The following ITM2C variants were observed in gnomAD, a reference collection of about 807,000 sequenced individuals.
The protein encoded by ITM2C is integral membrane protein 2C.
Under a neutral mutation model 30.0 loss-of-function variants are expected in ITM2C, and 20 were observed. The ratio of observed to expected loss-of-function variants is 0.67; its 90% CI spans 0.47 to 0.97. The LOEUF (loss-of-function observed/expected upper bound fraction) is 0.97. ITM2C is among the 50% of genes least tolerant of loss of function. The probability of loss-of-function intolerance (pLI) is 0.00; values close to 1 mark genes in which losing one functional copy is unlikely to be tolerated. For synonymous variants in ITM2C, 167 were observed against 156.4 expected, an observed-to-expected ratio of 1.07 and a Z score of -0.51; for missense variants, 366 against 371.9, an observed-to-expected ratio of 0.98 and a Z score of 0.13.
rs373865902 is a variant in ITM2C at position 230,878,020 on chromosome 2, G to T, written c.725G>T (p.Arg242Leu). 1.9e-6 allele frequency: 3 copies of T among 1,612,550 alleles called. No homozygotes were observed. Among genetic ancestry groups the T allele is most frequent in the Admixed American group, 1.7e-5 (1 of 59,840 alleles). The stretch of plus-strand genomic sequence containing the variant: ...TTTTTCCTCCCAGGGATCAACAAGC[G>T]TGGGGCCAAGAACTGCAATGCCATC... ...RRATRRRINK[R>L]GAKNCNAIRH... The change falls in exon 6 of 6, where the codon CGT (arginine) becomes CTT (leucine). Residue 242 changes from arginine to leucine, a missense_variant. Coordinates refer to ENST00000326427, the MANE Select transcript of ITM2C (RefSeq NM_030926.6). This position sits in a 1 kb window ranked among gnomAD's most constrained non-coding sequence, Gnocchi z 4.5.
intron 1 of ITM2C, among the ~76,000 whole-genome samples, chr2:230,872,412 G>A (rs903122106): frequency 3.9e-5 from 6 of 152,148 alleles, no homozygotes; most frequent in African/African-American, 1.2e-4. Context: ...GCTGGCTCTC[G>A]TCAGTGCTCT....
At chr2:230,876,288 G>T (rs955419834) in intron 3 of ITM2C, among the ~76,000 whole-genome samples, 4 of 152,206 alleles carry the variant, frequency 2.6e-5, no homozygotes, top group African/African-American at 9.6e-5. Flanking sequence ...AACATGAGAA[G>T]AAGCTTTATA....
Position 230,877,498 on chromosome 2 carries a change from C to T in ITM2C, c.660C>T (p.His220=). 6.2e-7 allele frequency: 1 copy of T among 1,614,064 alleles called. No individual in the cohort carries two copies. Among genetic ancestry groups the T allele is most frequent in the Non-Finnish European group, 8.5e-7 (1 of 1,180,010 alleles). Residue 220 remains histidine, a synonymous_variant, in exon 5 of 6, where the codon CAC becomes CAT. Transcript: ENST00000326427. The surrounding 1 kb of genome is among the most constrained non-coding windows in gnomAD (Gnocchi z 4.8). ...AGGCCCTGGGGTCCTTCATCTACCACCTGTGCAACGGGAAAGACACCTACC... is the reference window on the plus strand; with the variant it reads ...AGGCCCTGGGGTCCTTCATCTACCATCTGTGCAACGGGAAAGACACCTACC... ...DKEALGSFIY[H]LCNGKDTYRL...
At position 230,875,807 on chromosome 2, in the gene ITM2C, G is replaced by T. The variant is rs199648200; in HGVS notation, c.449G>T (p.Arg150Leu). 1.6e-6 allele frequency: 2 copies of T among 1,258,454 alleles called. No homozygotes were observed. The highest frequency in any genetic ancestry group is 1.3e-5 in the South Asian group (1 of 78,606). 78.0% of individuals were successfully genotyped at this position (1,258,454 alleles called of 1,614,324 possible). ...GCAGACATCATCCATGACTTCCAGCGGGTGAGGCTGGCCAGGGCCTGGGGG... is the reference window on the plus strand; with the variant it reads ...GCAGACATCATCCATGACTTCCAGCTGGTGAGGCTGGCCAGGGCCTGGGGG... ...DPADIIHDFQ[R>L]GLTAYHDISL... Residue 150 changes from arginine (R) to leucine (L), a missense_variant and splice_region_variant, in exon 3 of 6, where the codon CGG (arginine) becomes CTG (leucine). By Grantham distance (102) the Arg-to-Leu change is moderately radical. Transcript: ENST00000326427.
At position 230,867,598 on chromosome 2, in the gene ITM2C, A is replaced by C. The variant is rs574014120; in HGVS notation, c.120+2453A>C. On this transcript the variant is annotated intron_variant, in intron 1 of 5. Transcript: ENST00000326427. ...TTCTTCTGGCTGGCAGTGACCCCAG[A>C]ACCCTCCTTGGTGTCTGAACTGGAC... Among the ~76,000 whole-genome samples the C allele has an allele frequency of 2.0e-5, 3 of 152,272 alleles. No homozygotes were observed. The East Asian group carries it at 5.8e-4, about 29-fold the overall frequency.
At chr2:230,868,503 G>A (rs1382119999) in intron 1 of ITM2C, among the ~76,000 whole-genome samples, 4 of 151,178 alleles carry the variant, frequency 2.6e-5, no homozygotes, top group Admixed American at 1.3e-4. Flanking sequence ...ACACATGCAC[G>A]CACAGATGTG....
intron 1 of ITM2C, among the ~76,000 whole-genome samples, chr2:230,870,413 G>A (rs1351058922): frequency 6.6e-6 from 1 of 152,258 alleles, no homozygotes; most frequent in African/African-American, 2.4e-5. Context: ...TGGTGCCTCT[G>A]AGGGTTTGGC....
chr2:230,875,860 T>A, intron 3 of ITM2C, 52 bp downstream of exon 3: 1 of 1,190,510 alleles, frequency 8.4e-7, no homozygotes, highest in Non-Finnish European at 1.2e-6. Context: ...TCCCGGGGAC[T>A]CAGGGCAAGG....
rs1230537788 is a variant in ITM2C at position 230,877,983 on chromosome 2, C to G, written c.713-25C>G. Reference sequence around the variant, plus strand: ...TGACTCAGCCAGGATGCAGGGCTCACTGGGGTTTTTCTTTTTCCTCCCAGG... The same window carrying G: ...TGACTCAGCCAGGATGCAGGGCTCAGTGGGGTTTTTCTTTTTCCTCCCAGG... On this transcript the variant is annotated intron_variant, in intron 5 of 5. Transcript: ENST00000326427. The surrounding 1 kb of genome is among the most constrained non-coding windows in gnomAD (Gnocchi z 4.8). The G allele has an allele frequency of 6.3e-6, 10 of 1,598,142 alleles. No individual in the cohort carries two copies. The highest frequency in any genetic ancestry group is 8.6e-6 in the Non-Finnish European group (10 of 1,165,934).
chr2:230,866,926 G>A (rs1424568423), intron 1 of ITM2C, among the ~76,000 whole-genome samples: 4 of 152,198 alleles, frequency 2.6e-5, no homozygotes, highest in Admixed American at 6.5e-5. Context: ...GATGGCATGG[G>A]TTTGGGCAGT....
intron 1 of ITM2C, among the ~76,000 whole-genome samples, chr2:230,866,446 C>T (rs1697031037): frequency 6.6e-6 from 1 of 151,964 alleles, no homozygotes; most frequent in African/African-American, 2.4e-5. Flanking sequence ...GGGTGTCAGC[C>T]TGGGCAGAGA....
At position 230,875,690 on chromosome 2, in the gene ITM2C, A is replaced by C. The variant is rs778677627; in HGVS notation, c.332A>C (p.Gln111Pro). Residue 111 changes from glutamine (Q) to proline (P), a missense_variant, in exon 3 of 6, where the codon CAG (glutamine) becomes CCG (proline). Transcript: ENST00000326427. ...EDSLSSQVRT[Q>P]MELEEDVKIY... is the part of the protein sequence containing the mutation. ...TCCCTGTCCTCCCAGGTCCGGACTC[A>C]GATGGAGCTGGAAGAGGATGTGAAA... 1 of 1,613,560 alleles carries C rather than the reference A, an allele frequency of 6.2e-7. No homozygotes were observed. The highest frequency in any genetic ancestry group is 8.5e-7 in the Non-Finnish European group (1 of 1,179,606).
At chr2:230,872,526 A>G (rs1437666639) in intron 1 of ITM2C, among the ~76,000 whole-genome samples, 1 of 152,214 alleles carries the variant, frequency 6.6e-6, no homozygotes, top group Non-Finnish European at 1.5e-5. Flanking sequence ...GCAGCCCTGC[A>G]GCTATGATCT....
chr2:230,875,943 C>T (rs1363900258), intron 3 of ITM2C, 135 bp downstream of exon 3: 3 of 692,674 alleles, frequency 4.3e-6, no homozygotes, highest in East Asian at 2.7e-5. Flanking sequence ...GTCTTCAAGA[C>T]ACTGCTTTTC....
rs980346757 is a variant in ITM2C, at chr2:230,879,091, C to G, written c.*992C>G. The stretch of plus-strand genomic sequence containing the variant: ...CTTTTGCATGTTTTTACTGATCATT[C>G]GATATGCTAACCGTTCTCAGCCCTG... On this transcript the variant is annotated 3_prime_UTR_variant, in exon 6 of 6. Coordinates refer to ENST00000326427, the MANE Select transcript of ITM2C (RefSeq NM_030926.6). The G allele has an allele frequency of 3.3e-5, 5 of 152,582 alleles. No homozygotes were observed. The highest frequency in any genetic ancestry group is 1.2e-4 in the African/African-American group (5 of 41,400). The allele number at this position is 152,582 out of a possible 1,614,324, so 9.5% of individuals were successfully genotyped here. A position where few individuals can be genotyped will look rare whatever the true frequency, so the allele number is the denominator to read the frequency against.
At position 230,875,553 on chromosome 2, in the gene ITM2C, G is replaced by A. The variant is rs1357694221; in HGVS notation, c.262-67G>A. On this transcript the variant is annotated intron_variant, in intron 2 of 5. Transcript: ENST00000326427. Reference sequence around the variant, plus strand: ...CATGTAGCGGACGGGTAGGCAAGAGGGGGCCTTACGGAGTGCGTGTATGAC... The same window carrying A: ...CATGTAGCGGACGGGTAGGCAAGAGAGGGCCTTACGGAGTGCGTGTATGAC... 8 of 1,400,428 alleles carry A rather than the reference G, an allele frequency of 5.7e-6. No homozygotes were observed. The East Asian group carries it at 1.9e-4, about 33-fold the overall frequency. The allele number at this position is 1,400,428 out of a possible 1,614,324, so 86.8% of individuals were successfully genotyped here. A position where few individuals can be genotyped will look rare whatever the true frequency, so the allele number is the denominator to read the frequency against.
chr2:230,867,658 A>T (rs1389045501), intron 1 of ITM2C, among the ~76,000 whole-genome samples: 1 of 80,138 alleles, frequency 1.2e-5, no homozygotes, highest in Admixed American at 1.7e-4. Flanking sequence ...TATCTATTTT[A>T]TTTTATTTTA....
chr2:230,875,412 C>T (rs1455111602), intron 2 of ITM2C, among the ~76,000 whole-genome samples: 1 of 152,220 alleles, frequency 6.6e-6, no homozygotes, highest in African/African-American at 2.4e-5. Context: ...CAAGAATCAG[C>T]TCATCTCCTC....
intron 2 of ITM2C, among the ~76,000 whole-genome samples, chr2:230,874,325 G>A (rs558786337): frequency 6.6e-6 from 1 of 152,148 alleles, no homozygotes; most frequent in South Asian, 2.1e-4. Context: ...TGAAAGCTCA[G>A]CTCACATACA....
Sources: allele counts gnomAD v4.1 joint callset (sites outside exome capture counted in the v4.1 genomes callset), GRCh38; gene constraint gnomAD v4.1.1; non-coding constraint Gnocchi (gnomAD v3.1); transcripts MANE v1.5; gene names NCBI Gene and HGNC (gene_info 2026-07-23, HGNC 2026-07-21).